Variants in THOC5 observed in about 807,000 individuals in gnomAD.
THOC5 encodes the protein THO complex subunit 5, also known as Fms-interacting protein.
In THOC5, 43 loss-of-function variants were observed where a neutral mutation model predicts 92.9. The observed-to-expected ratio is 0.46, with a 90% CI of 0.36 to 0.60. The LOEUF is 0.60. THOC5 is among the 20% of genes least tolerant of loss of function. The probability of loss-of-function intolerance (pLI) is 0.00; values close to 1 mark genes in which losing one functional copy is unlikely to be tolerated. For missense variants in THOC5, 659 were observed against 849.4 expected, an observed-to-expected ratio of 0.78 and a Z score of 2.79; for synonymous variants, 296 against 320.1, an observed-to-expected ratio of 0.92 and a Z score of 0.80.
chr22:29,546,641 T>C (rs2064026585), intron 2 of THOC5, among the ~76,000 whole-genome samples: 1 of 152,008 alleles, frequency 6.6e-6, no homozygotes, highest in Non-Finnish European at 1.5e-5. Flanking sequence ...GGTTTCACCA[T>C]GTTGCCCAGG....
At chr22:29,544,391 G>A (rs2063968461) in intron 3 of THOC5, 69 bp downstream of exon 3, 1 of 1,526,020 alleles carries the variant, frequency 6.6e-7, no homozygotes, top group Non-Finnish European at 8.9e-7. Context: ...GAAGGGCCCT[G>A]GTAGGTGCAA....
At position 29,536,654 on chromosome 22, in the gene THOC5, G is replaced by A. The variant is rs1282979733; in HGVS notation, c.684C>T (p.Ser228=). 3 of 1,613,304 alleles carry A rather than the reference G, an allele frequency of 1.9e-6. No homozygotes were observed. The East Asian group carries it at 6.7e-5, about 36-fold the overall frequency. ...EIEVKKEYLS[S]LQPRLNSIMQ... is the part of the protein sequence containing the mutation. ...TGATGCTGTTGAGGCGGGGCTGGAGGCTGCTCAGGTACTCCTTCTTCACCT... is the reference window on the plus strand; with the variant it reads ...TGATGCTGTTGAGGCGGGGCTGGAGACTGCTCAGGTACTCCTTCTTCACCT... Residue 228 remains serine (S), a synonymous_variant, in exon 7 of 20, where the codon AGC becomes AGT. Transcript: ENST00000490103.
At chr22:29,552,328 C>T (rs1294311984) in intron 1 of THOC5, among the ~76,000 whole-genome samples, 1 of 151,560 alleles carries the variant, frequency 6.6e-6, no homozygotes, top group Non-Finnish European at 1.5e-5. Context: ...CCCATCCCGT[C>T]TAGGAAGTGA....
chr22:29,531,287 G>A lies in THOC5; in HGVS notation c.847+544C>T, dbSNP rs371967050. ...GTGGGGGAGAAAATGTAGGTGCTGG[G>A]TGAAAGCTGCATTAGGGCAAAAGGC... On this transcript the variant is annotated intron_variant, in intron 8 of 19. Transcript: ENST00000490103. 110 of 985,414 alleles carry A rather than the reference G, an allele frequency of 1.1e-4. 1 individual carries two copies. The East Asian group carries it at 9.5e-3, about 85-fold the overall frequency. 61.0% of individuals were successfully genotyped at this position (985,414 alleles called of 1,614,324 possible).
rs558190237 is a variant in THOC5, at chr22:29,511,905, C to T, written c.1797+116G>A. The T allele has an allele frequency of 3.7e-4, 311 of 836,454 alleles. 1 individual carries two copies. Among genetic ancestry groups the T allele is most frequent in the Non-Finnish European group, 5.6e-4 (289 of 518,640 alleles). 51.8% of individuals were successfully genotyped at this position (836,454 alleles called of 1,614,324 possible). A position where few individuals can be genotyped will look rare whatever the true frequency, so the allele number is the denominator to read the frequency against. On this transcript the variant is annotated intron_variant, in intron 18 of 19. Transcript: ENST00000490103. The stretch of plus-strand genomic sequence containing the variant: ...GCAAATTCTGCAAATCCTGGCACAA[C>T]CTTCTGTTTTGGGAATTAAGGCAGT...
At chr22:29,543,262 C>A (rs189877887) in intron 4 of THOC5, among the ~76,000 whole-genome samples, 167 bp downstream of exon 4, 1 of 143,174 alleles carries the variant, frequency 7.0e-6, no homozygotes, top group Admixed American at 7.3e-5. Flanking sequence ...GCAGGAGAAT[C>A]GCTTGAAGCT....
intron 2 of THOC5, among the ~76,000 whole-genome samples, chr22:29,548,459 G>A (rs2064072089): frequency 6.6e-6 from 1 of 152,120 alleles, no homozygotes; most frequent in African/African-American, 2.4e-5. Context: ...GGAGACTGAG[G>A]TGGGAGGATC....
intron 2 of THOC5, among the ~76,000 whole-genome samples, chr22:29,548,121 C>T (rs905276316): frequency 1.3e-5 from 2 of 152,142 alleles, no homozygotes; most frequent in Non-Finnish European, 2.9e-5. Flanking sequence ...ATTACCTCCT[C>T]GTAGGTCCCT....
intron 2 of THOC5, among the ~76,000 whole-genome samples, chr22:29,545,917 C>A (rs1179958311): frequency 1.3e-5 from 2 of 152,220 alleles, no homozygotes; most frequent in Non-Finnish European, 2.9e-5. Flanking sequence ...GGGCTCTGAC[C>A]CCACATTTCC....
At chr22:29,551,910 C>T (rs1287510455) in intron 1 of THOC5, among the ~76,000 whole-genome samples, 5 of 150,126 alleles carry the variant, frequency 3.3e-5, no homozygotes, top group African/African-American at 7.4e-5. Context: ...CTCAGCCTGC[C>T]GAGTGCCTGC....
intron 8 of THOC5, chr22:29,531,250 A>AGGTGG: frequency 2.0e-6 from 2 of 999,666 alleles, no homozygotes; most frequent in African/African-American, 2.0e-5. Flanking sequence ...CTGTCTGATG[A>AGGTGG]GGTGGGGTGG....
Position 29,549,148 on chromosome 22 carries a change from G to C in THOC5, c.-1C>G. On this transcript the variant is annotated 5_prime_UTR_variant, in exon 2 of 20. Coordinates refer to ENST00000490103, the MANE Select transcript of THOC5 (RefSeq NM_003678.5). ...GTTTTTTGCTCGATTCTGATGACAT[G>C]GTTGTTCCTCCTGTTAAGAGGAGAA... 2 of 1,614,064 alleles carry C rather than the reference G, an allele frequency of 1.2e-6. No homozygotes were observed. Among genetic ancestry groups the C allele is most frequent in the Non-Finnish European group, 1.7e-6 (2 of 1,179,986 alleles).
In THOC5 at chr22:29,517,309, A is replaced by G. The variant is rs773329602; in HGVS notation, c.1547T>C (p.Val516Ala). Residue 516 changes from valine to alanine, a missense_variant, in exon 16 of 20, where the codon GTC (valine) becomes GCC (alanine). Physicochemically the swap from Val to Ala is moderately conservative, Grantham distance 64. Transcript: ENST00000490103. ...DCQYLFPAKV[V>A]SRLVKWVTVA... ...TGTCACCCATTTCACCAGGCGAGAG[A>G]CAACCTTGGCAGGGAAGAGGTACTG... is the stretch of plus-strand genomic sequence containing the variant. 6.2e-7 allele frequency: 1 copy of G among 1,614,226 alleles called. No individual in the cohort carries two copies. Among genetic ancestry groups the G allele is most frequent in the Non-Finnish European group, 8.5e-7 (1 of 1,180,036 alleles).
intron 12 of THOC5, among the ~76,000 whole-genome samples, chr22:29,525,308 A>T (rs935492587): frequency 1.3e-5 from 2 of 152,116 alleles, no homozygotes; most frequent in Non-Finnish European, 2.9e-5. Context: ...AGAACACTGT[A>T]GTCAGGGCCT....
At chr22:29,547,178 T>G (rs2064040350) in intron 2 of THOC5, among the ~76,000 whole-genome samples, 1 of 151,894 alleles carries the variant, frequency 6.6e-6, no homozygotes, top group African/African-American at 2.4e-5. Flanking sequence ...ACTTAGAAAT[T>G]TCCTCCACCA....
chr22:29,528,686 G>C (rs1185410603), intron 9 of THOC5, among the ~76,000 whole-genome samples: 15 of 152,008 alleles, frequency 9.9e-5, no homozygotes, highest in Middle Eastern at 3.4e-3. Flanking sequence ...TTTTTCAAAG[G>C]GCTTTTTGAT....
intron 3 of THOC5, among the ~76,000 whole-genome samples, chr22:29,544,080 T>C (rs574589704): frequency 2.5e-4 from 38 of 152,326 alleles, no homozygotes; most frequent in African/African-American, 9.1e-4. Flanking sequence ...ACCTCATTTA[T>C]TCATTTACTA....
intron 8 of THOC5, chr22:29,531,609 C>T (rs9613940): frequency 0.27 from 344,369 of 1,282,630 alleles, 47,433 homozygotes; most frequent in East Asian, 0.28. Context: ...TCACGAATGA[C>T]TCAAAGCCAC....
chr22:29,529,244 G>T lies in THOC5; in HGVS notation c.848-5C>A. On this transcript the variant is annotated splice_polypyrimidine_tract_variant and splice_region_variant and intron_variant, in intron 8 of 19. Coordinates refer to ENST00000490103, the MANE Select transcript of THOC5 (RefSeq NM_003678.5). ...TTGCCACAGATAACGTCTTATCTGG[G>T]GGGCAAGAAGAAGTCTGTTAGGAAA... 2 of 1,614,160 alleles carry T rather than the reference G, an allele frequency of 1.2e-6. No individual in the cohort carries two copies. The highest frequency in any genetic ancestry group is 1.7e-6 in the Non-Finnish European group (2 of 1,180,030).
Sources: gnomAD v4.1 joint callset for allele counts (sites outside exome capture counted in the v4.1 genomes callset) on GRCh38, gnomAD v4.1.1 for gene constraint, MANE v1.5 for transcripts, NCBI Gene and HGNC (gene_info 2026-07-23, HGNC 2026-07-21) for gene names.